The following SNTG2 variants were observed in gnomAD, a reference collection of about 807,000 sequenced individuals.
SNTG2 encodes gamma-2-syntrophin.
Under a neutral mutation model 70.9 loss-of-function variants are expected in SNTG2, and 74 were observed. The ratio of observed to expected loss-of-function variants is 1.04; its 90% confidence interval spans 0.86 to 1.27. SNTG2 has a LOEUF of 1.27. Ranked by LOEUF, SNTG2 falls within the 50% of genes most tolerant of loss-of-function variation. The pLI is 0.00. For missense variants in SNTG2, 717 were observed against 690.7 expected, an observed-to-expected ratio of 1.04 and a Z score of -0.43; for synonymous variants, 278 against 273.8, an observed-to-expected ratio of 1.02 and a Z score of -0.15.
At chr2:1,099,795 C>G (rs1314347976) in intron 4 of SNTG2, among the ~76,000 whole-genome samples, 1 of 152,094 alleles carries the variant, frequency 6.6e-6, no homozygotes, top group Non-Finnish European at 1.5e-5. Flanking sequence ...TGAACACGTT[C>G]TCAGGGAAGA....
At chr2:1,093,179 G>A (rs1665147446) in intron 2 of SNTG2, among the ~76,000 whole-genome samples, 3 of 152,176 alleles carry the variant, frequency 2.0e-5, no homozygotes, top group Admixed American at 6.5e-5. Flanking sequence ...GAGCCTCGGG[G>A]CAGCTCACGA....
At chr2:1,068,945 C>T (rs1199675013) in intron 1 of SNTG2, among the ~76,000 whole-genome samples, 1 of 152,168 alleles carries the variant, frequency 6.6e-6, no homozygotes, top group East Asian at 1.9e-4. Context: ...ACTAGAAATG[C>T]CAGTTTTTAC....
intron 8 of SNTG2, among the ~76,000 whole-genome samples, chr2:1,198,687 T>C (rs999186294): frequency 6.6e-6 from 1 of 151,774 alleles, no homozygotes; most frequent in Admixed American, 6.6e-5. Flanking sequence ...TAAATAAAAT[T>C]AGAAACAAAA....
chr2:1,014,812 G>A (rs1293319694), intron 1 of SNTG2, among the ~76,000 whole-genome samples: 1 of 152,134 alleles, frequency 6.6e-6, no homozygotes, highest in South Asian at 2.1e-4. Flanking sequence ...GATTTATAAG[G>A]GTGGAGAGAC....
At position 979,548 on chromosome 2, in the gene SNTG2, G is replaced by A. The variant is rs77653145; in HGVS notation, c.72+28480G>A. ...CTCCTCTCGGTGACCTGTCCTTTTG[G>A]CCTTTTGGGAAGCTGGGAGGTGTCC... is the stretch of plus-strand genomic sequence containing the variant. On this transcript the variant is annotated intron_variant, in intron 1 of 16. Coordinates refer to ENST00000308624, the MANE Select transcript of SNTG2 (RefSeq NM_018968.4). Among the ~76,000 whole-genome samples the A allele has an allele frequency of 9.8e-3, 1,485 of 152,056 alleles. 22 individuals are homozygous for A. Among genetic ancestry groups the A allele is most frequent in the African/African-American group, 0.034 (1,410 of 41,478 alleles).
intron 16 of SNTG2, among the ~76,000 whole-genome samples, chr2:1,358,971 A>G (rs1661001499): frequency 6.6e-6 from 1 of 152,080 alleles, no homozygotes; most frequent in African/African-American, 2.4e-5. Flanking sequence ...GTCTACTTCT[A>G]CCTTCAGTTT....
At chr2:956,703 G>A (rs1660174044) in intron 1 of SNTG2, among the ~76,000 whole-genome samples, 3 of 152,234 alleles carry the variant, frequency 2.0e-5, no homozygotes, top group South Asian at 2.1e-4. Context: ...GACACAGCCC[G>A]GGGAACTCGG....
intron 14 of SNTG2, among the ~76,000 whole-genome samples, chr2:1,290,097 G>A (rs1250937655): frequency 6.6e-6 from 1 of 152,164 alleles, no homozygotes; most frequent in Non-Finnish European, 1.5e-5. Context: ...TAAAAATGGT[G>A]TATTAGTCCA....
At chr2:1,265,928 T>A (rs1052362485) in intron 13 of SNTG2, among the ~76,000 whole-genome samples, 3 of 152,096 alleles carry the variant, frequency 2.0e-5, no homozygotes, top group Non-Finnish European at 4.4e-5. Context: ...GAGAGACTGG[T>A]GCAGCAAAAT....
At chr2:1,155,613 C>T (rs1279192641) in intron 6 of SNTG2, among the ~76,000 whole-genome samples, 1 of 152,190 alleles carries the variant, frequency 6.6e-6, no homozygotes, top group African/African-American at 2.4e-5. Context: ...GACGTCAGCC[C>T]TGGCCGTGGT....
chr2:1,052,134 A>T (rs1662112832), intron 1 of SNTG2, among the ~76,000 whole-genome samples: 1 of 151,916 alleles, frequency 6.6e-6, no homozygotes, highest in South Asian at 2.1e-4. Context: ...TCTGCAGCTT[A>T]GGTTGGTTGT....
At chr2:1,253,070 G>T (rs573091447) in intron 12 of SNTG2, among the ~76,000 whole-genome samples, 1 of 152,160 alleles carries the variant, frequency 6.6e-6, no homozygotes, top group South Asian at 2.1e-4. Context: ...TGAGGTTTTT[G>T]GATCAGAGAC....
At chr2:1,121,277 A>G (rs1486236722) in intron 4 of SNTG2, among the ~76,000 whole-genome samples, 1 of 152,156 alleles carries the variant, frequency 6.6e-6, no homozygotes, top group Non-Finnish European at 1.5e-5. Flanking sequence ...AAGGAAATTG[A>G]TAGTGATAAA....
intron 1 of SNTG2, among the ~76,000 whole-genome samples, chr2:1,069,296 A>G (rs1663360727): frequency 6.6e-6 from 1 of 151,950 alleles, no homozygotes; most frequent in South Asian, 2.1e-4. Context: ...GCATTAAAAT[A>G]GTCCAGGCTT....
intron 16 of SNTG2, among the ~76,000 whole-genome samples, chr2:1,336,753 A>G (rs764711456): frequency 3.9e-5 from 6 of 152,176 alleles, no homozygotes; most frequent in African/African-American, 2.4e-5. Flanking sequence ...ACCCTTGTAA[A>G]GGAGCAACTG....
Position 1,367,461 on chromosome 2 carries a change from T to C in SNTG2, c.1607T>C (p.Met536Thr), listed in dbSNP as rs1356183334. The change falls in exon 17 of 17, where the codon ATG (methionine) becomes ACG (threonine). Residue 536 changes from methionine (M) to threonine (T), a missense_variant. By Grantham distance (81) the Met-to-Thr change is moderately conservative. Transcript: ENST00000308624. ...MDSQSLARKY[M>T]YSS ...AGTCAGAGTCTTGCCAGAAAATACA[T>C]GTACAGCAGCTAAAGGTTGTTTCTG... 3 of 1,550,450 alleles carry C rather than the reference T, an allele frequency of 1.9e-6. No individual in the cohort carries two copies. The highest frequency in any genetic ancestry group is 2.7e-5 in the African/African-American group (2 of 73,102).
At chr2:1,326,441 A>C (rs373117447) in intron 16 of SNTG2, among the ~76,000 whole-genome samples, 1 of 152,312 alleles carries the variant, frequency 6.6e-6, no homozygotes, top group African/African-American at 2.4e-5. Flanking sequence ...AAACAGCAAC[A>C]CAAGTCACTG....
At chr2:1,187,571 A>C (rs1263156250) in intron 8 of SNTG2, among the ~76,000 whole-genome samples, 1 of 152,130 alleles carries the variant, frequency 6.6e-6, no homozygotes, top group African/African-American at 2.4e-5. Context: ...CTCTCTACAC[A>C]CACAAACACA....
intron 14 of SNTG2, among the ~76,000 whole-genome samples, chr2:1,285,010 C>A (rs571860034): frequency 1.3e-5 from 2 of 151,578 alleles, no homozygotes; most frequent in Non-Finnish European, 1.5e-5. Flanking sequence ...TTAACTCACA[C>A]GATCACAAGA....
Sources: allele counts gnomAD v4.1 joint callset (sites outside exome capture counted in the v4.1 genomes callset), GRCh38; gene constraint gnomAD v4.1.1; transcripts MANE v1.5; gene names NCBI Gene and HGNC (gene_info 2026-07-23, HGNC 2026-07-21).